Variants in CATSPER2 observed in about 807,000 individuals in gnomAD.
The protein encoded by CATSPER2 is cation channel sperm associated 2, also known as cation channel sperm-associated protein 2.
A neutral mutation model predicts 68.8 loss-of-function variants in CATSPER2; 56 were observed. The ratio of observed to expected loss-of-function variants is 0.81; its 90% confidence interval spans 0.66 to 1.02. CATSPER2 has a LOEUF of 1.02. Among genes scored for constraint, CATSPER2 ranks in the 50% least tolerant of loss-of-function variants. The pLI, the probability that CATSPER2 is intolerant of heterozygous loss-of-function variation, is 0.00. For missense variants in CATSPER2, 582 were observed against 642.0 expected, an observed-to-expected ratio of 0.91 and a Z score of 1.01; for synonymous variants, 198 against 229.9, an observed-to-expected ratio of 0.86 and a Z score of 1.26.
chr15:43,635,245 A>G, intron 10 of CATSPER2, 115 bp downstream of exon 10: 1 of 986,944 alleles, frequency 1.0e-6, no homozygotes, highest in Non-Finnish European at 1.6e-6. Flanking sequence ...TCAACCTACT[A>G]CAATATGCAG....
At chr15:43,645,480 T>G (rs1050764096) in intron 4 of CATSPER2, among the ~76,000 whole-genome samples, 3 of 151,722 alleles carry the variant, frequency 2.0e-5, no homozygotes, top group African/African-American at 2.4e-5. Flanking sequence ...TCATAACTAC[T>G]CCCTTCTCTT....
chr15:43,639,638 A>G lies in CATSPER2; in HGVS notation c.717+5T>C, dbSNP rs2086036671. 1.2e-6 allele frequency: 2 copies of G among 1,612,568 alleles called. No individual in the cohort carries two copies. The highest frequency in any genetic ancestry group is 2.7e-5 in the African/African-American group (2 of 74,576). The stretch of plus-strand genomic sequence containing the variant: ...CCCTGCTTTAGCTTGCAACAGTCAA[A>G]TCACCTTGAGGGCCCTGACCAGGAC... On this transcript the variant is annotated splice_donor_5th_base_variant and intron_variant, in intron 6 of 12. Transcript: ENST00000396879.
At chr15:43,636,376 T>C (rs1206362229) in intron 7 of CATSPER2, among the ~76,000 whole-genome samples, 157 bp from the exon 8 acceptor site, 23 of 151,902 alleles carry the variant, frequency 1.5e-4, no homozygotes, top group Non-Finnish European at 1.5e-5. Flanking sequence ...AATCATTCTA[T>C]AGTTTGAAGT....
At position 43,632,815 on chromosome 15, in the gene CATSPER2, G is replaced by T; in HGVS notation, c.1298C>A (p.Thr433Asn). 6.2e-7 allele frequency: 1 copy of T among 1,613,632 alleles called. No homozygotes were observed. The highest frequency in any genetic ancestry group is 8.5e-7 in the Non-Finnish European group (1 of 1,179,812). The stretch of plus-strand genomic sequence containing the variant: ...CTGGTACTCTCTCTTTTTTGACAAG[G>T]TCTCTTCTGTTTTTGATGCAGATGT... Reference protein sequence around the residue: ...LITSASKTEETLSKKREYQSS... With the variant: ...LITSASKTEENLSKKREYQSS... Residue 433 changes from threonine to asparagine, a missense_variant, in exon 11 of 13, where the codon ACC becomes AAC. Physicochemically the swap from Thr to Asn is moderately conservative, Grantham distance 65. Transcript: ENST00000396879.
At chr15:43,646,964 GC>G (rs2086177208) in intron 4 of CATSPER2, 85 bp downstream of exon 4, 1 of 1,138,862 alleles carries the variant, frequency 8.8e-7, no homozygotes, top group Non-Finnish European at 1.3e-6. Context: ...CAATCCACAC[GC>G]CCCGGCCTCC....
chr15:43,643,384 C>G (rs966555529), intron 4 of CATSPER2, among the ~76,000 whole-genome samples: 4 of 151,584 alleles, frequency 2.6e-5, no homozygotes, highest in African/African-American at 9.7e-5. Context: ...TTCCCACTCA[C>G]TCTGTCGCCC....
rs1295149958 is a variant in CATSPER2, at chr15:43,647,972, C to G, written c.90G>C (p.Glu30Asp). 6.8e-6 allele frequency: 11 copies of G among 1,613,584 alleles called. No homozygotes were observed. Among genetic ancestry groups the G allele is most frequent in the Non-Finnish European group, 6.8e-6 (8 of 1,179,798 alleles). ...SRLIDTFSLIEHLQGLSQAVP... is the reference protein window; with the variant it reads ...SRLIDTFSLIDHLQGLSQAVP... ...CAGCTTGGCTCAAGCCTTGCAAATG[C>G]TCAATGAGAGAGAAAGTATCGATGA... Residue 30 changes from glutamate (E) to aspartate (D), a missense_variant, in exon 2 of 13, where the codon GAG (glutamate) becomes GAC (aspartate). By Grantham distance (45) the Glu-to-Asp change is conservative. This residue lies in a region of CATSPER2 where 197 missense variants were observed against 191.0 expected (regional missense o/e 1.03). Coordinates refer to ENST00000396879, the MANE Select transcript of CATSPER2 (RefSeq NM_172095.4).
intron 4 of CATSPER2, among the ~76,000 whole-genome samples, chr15:43,643,356 T>C (rs190431902): frequency 4.7e-5 from 7 of 150,026 alleles, no homozygotes; most frequent in African/African-American, 1.7e-4. Flanking sequence ...ATTTCTTTCT[T>C]TTTTTTTTTG....
chr15:43,648,054 G>C lies in CATSPER2; in HGVS notation c.8C>G (p.Ala3Gly). The change falls in exon 2 of 13, where the codon GCT (alanine) becomes GGT (glycine). Residue 3 changes from alanine to glycine, a missense_variant. Coordinates refer to ENST00000396879, the MANE Select transcript of CATSPER2 (RefSeq NM_172095.4). The stretch of plus-strand genomic sequence containing the variant: ...CTGCATCTGCTCTTCTTGTTGGTAA[G>C]CGGCCATGTCTGCTAAGAAAATGTA... MA[A>G]YQQEEQMQLP... The C allele has an allele frequency of 6.2e-7, 1 of 1,613,672 alleles. No homozygotes were observed. The highest frequency in any genetic ancestry group is 8.5e-7 in the Non-Finnish European group (1 of 1,179,732).
chr15:43,632,401 T>G, intron 11 of CATSPER2, 38 bp from the exon 12 acceptor site: 2 of 1,610,120 alleles, frequency 1.2e-6, no homozygotes, highest in Non-Finnish European at 1.7e-6. Context: ...ACGTCTAGAT[T>G]TGTAAAAGTT....
Position 43,646,176 on chromosome 15 carries a change from T to A in CATSPER2, c.388+874A>T, listed in dbSNP as rs377084242. 1.6e-3 allele frequency among the ~76,000 whole-genome samples: 236 copies of A among 151,894 alleles called. 5 individuals carry two copies. The highest frequency in any genetic ancestry group is 5.4e-3 in the African/African-American group (223 of 41,438). ...AAACTGACAACAGAAATAAAACTGG[T>A]CTTCCCAAGTTCAGTTCCTTGTGGA... On this transcript the variant is annotated intron_variant, in intron 4 of 12. Transcript: ENST00000396879.
intron 7 of CATSPER2, among the ~76,000 whole-genome samples, chr15:43,638,286 C>CTTTTTTTTTTTTTTTTTT (rs71460446): frequency 2.0e-4 from 16 of 81,836 alleles, no homozygotes; most frequent in African/African-American, 7.5e-4. Flanking sequence ...TTCTTTCTTT[C>CTTTTTTTTTTTTTTTTTT]TTTTTTTTTT....
intron 12 of CATSPER2, 125 bp from the exon 13 acceptor site, chr15:43,630,857 A>T: frequency 6.3e-7 from 1 of 1,583,946 alleles, no homozygotes; most frequent in Non-Finnish European, 8.6e-7. Flanking sequence ...CTTTAAATTA[A>T]GCCATATGAT....
chr15:43,630,878 CTT>C, intron 12 of CATSPER2, 146 bp from the exon 13 acceptor site: 1 of 1,538,070 alleles, frequency 6.5e-7, no homozygotes, highest in Non-Finnish European at 8.8e-7. Context: ...TCTGTGTACT[CTT>C]TGCCATAGAC....
intron 4 of CATSPER2, among the ~76,000 whole-genome samples, chr15:43,642,236 AC>A (rs2086088782): frequency 6.6e-6 from 1 of 151,548 alleles, no homozygotes; most frequent in African/African-American, 2.4e-5. Context: ...AGTAGCTGGG[AC>A]TACAGACATG....
intron 4 of CATSPER2, among the ~76,000 whole-genome samples, chr15:43,645,560 G>A (rs1469891391): frequency 6.6e-6 from 1 of 151,828 alleles, no homozygotes; most frequent in African/African-American, 2.4e-5. Context: ...GCTAAGGCAT[G>A]AGGATCTTTT....
intron 6 of CATSPER2, among the ~76,000 whole-genome samples, chr15:43,639,268 G>A (rs1381233744): frequency 5.3e-5 from 8 of 149,820 alleles, no homozygotes; most frequent in East Asian, 1.9e-4. Context: ...TTTTTTAGAC[G>A]GAGTTTCACT....
intron 4 of CATSPER2, among the ~76,000 whole-genome samples, chr15:43,641,741 T>C (rs2086077826): frequency 1.3e-5 from 2 of 152,062 alleles, no homozygotes; most frequent in Non-Finnish European, 2.9e-5. Flanking sequence ...AATCTCACTC[T>C]GTCACCCAGG....
chr15:43,630,598 A>G lies in CATSPER2; in HGVS notation c.*103T>C. 2 of 1,607,110 alleles carry G rather than the reference A, an allele frequency of 1.2e-6. No individual in the cohort carries two copies. The highest frequency in any genetic ancestry group is 1.7e-6 in the Non-Finnish European group (2 of 1,176,752). On this transcript the variant is annotated 3_prime_UTR_variant, in exon 13 of 13. Coordinates refer to ENST00000396879, the MANE Select transcript of CATSPER2 (RefSeq NM_172095.4). ...CTTATACTTTTTAATTTTAATGAAC[A>G]GACATTGTTCTATCTGAATGTTTAT...
Sources: gnomAD v4.1 joint callset for allele counts (sites outside exome capture counted in the v4.1 genomes callset) on GRCh38, gnomAD v4.1.1 for gene constraint, gnomAD v4.1.1 regional missense constraint, MANE v1.5 for transcripts, NCBI Gene and HGNC (gene_info 2026-07-23, HGNC 2026-07-21) for gene names.